DTNB: variants seen among roughly 807,000 people sequenced by gnomAD.
The protein encoded by DTNB is DTN-B.
Under a neutral mutation model 90.7 loss-of-function variants are expected in DTNB, and 63 were observed. The observed-to-expected ratio is 0.69, with a 90% confidence interval of 0.57 to 0.86. The LOEUF (loss-of-function observed/expected upper bound fraction) is 0.86. Ranked by LOEUF, DTNB falls within the 40% of genes least tolerant of loss-of-function variation. The probability of loss-of-function intolerance (pLI) is 0.00; values close to 1 mark genes in which losing one functional copy is unlikely to be tolerated. For synonymous variants in DTNB, 277 were observed against 286.7 expected (o/e 0.97, Z 0.34); for missense variants, 744 against 807.1 (o/e 0.92, Z 0.95).
chr2:25,582,244 T>G (rs2061661030), intron 6 of DTNB, among the ~76,000 whole-genome samples: 1 of 152,136 alleles, frequency 6.6e-6, no homozygotes, highest in Admixed American at 6.6e-5. Context: ...CTGTGATGCT[T>G]GGCCTGAAGG....
chr2:25,522,694 C>T (rs1355287351), intron 9 of DTNB, among the ~76,000 whole-genome samples: 1 of 148,164 alleles, frequency 6.7e-6, no homozygotes, highest in Non-Finnish European at 1.5e-5. Context: ...GAAAGGCAAA[C>T]TGAGGTCTTT....
intron 9 of DTNB, among the ~76,000 whole-genome samples, chr2:25,488,755 C>T (rs559573750): frequency 3.5e-4 from 53 of 152,288 alleles, no homozygotes; most frequent in Non-Finnish European, 5.7e-4. Context: ...CAGGTTCAAG[C>T]GATTCCCCCC....
At chr2:25,579,976 CTTTTTTTTTTTTT>C (rs59639406) in intron 7 of DTNB, among the ~76,000 whole-genome samples, 4 of 52,964 alleles carry the variant, frequency 7.6e-5, no homozygotes, top group African/African-American at 3.0e-4. Context: ...AGTATCCTTT[CTTTTTTTTTTTTT>C]TTTTTTTTTT....
At chr2:25,561,593 G>A (rs1197414170) in intron 8 of DTNB, among the ~76,000 whole-genome samples, 4 of 152,270 alleles carry the variant, frequency 2.6e-5, no homozygotes, top group South Asian at 2.1e-4. Context: ...TTATGGGGGC[G>A]GATCCCTCAA....
At chr2:25,407,633 G>A (rs1235164240) in intron 16 of DTNB, among the ~76,000 whole-genome samples, 1 of 152,158 alleles carries the variant, frequency 6.6e-6, no homozygotes, top group Non-Finnish European at 1.5e-5. Flanking sequence ...AACCTGAATG[G>A]ACCTGGAGGC....
At chr2:25,403,084 C>T (rs1329758602) in intron 16 of DTNB, among the ~76,000 whole-genome samples, 1 of 152,132 alleles carries the variant, frequency 6.6e-6, no homozygotes, top group Non-Finnish European at 1.5e-5. Flanking sequence ...TTGTTTCTCC[C>T]AGTTTGCCTA....
intron 2 of DTNB, chr2:25,639,374 T>C: frequency 3.8e-6 from 1 of 265,092 alleles, no homozygotes; most frequent in East Asian, 6.9e-5. Flanking sequence ...GAGTGAACTA[T>C]GATTAGGAAA....
intron 1 of DTNB, among the ~76,000 whole-genome samples, chr2:25,665,194 T>C (rs2084129625): frequency 6.6e-6 from 1 of 152,252 alleles, no homozygotes; most frequent in African/African-American, 2.4e-5. Context: ...CTTTATTTCC[T>C]TTCCATCTTT....
chr2:25,389,313 T>C (rs1445456423), intron 16 of DTNB, among the ~76,000 whole-genome samples: 3 of 152,256 alleles, frequency 2.0e-5, no homozygotes, highest in African/African-American at 7.2e-5. Flanking sequence ...GGGCATGCTC[T>C]GAGCATGTGC....
At chr2:25,580,622 CT>C (rs1461669393) in intron 7 of DTNB, 98 bp downstream of exon 7, 7 of 1,138,072 alleles carry the variant, frequency 6.2e-6, no homozygotes, top group Non-Finnish European at 9.0e-6. Context: ...CAAATGTCAA[CT>C]GTAATTTTCA....
At chr2:25,528,426 A>G (rs1447251331) in intron 9 of DTNB, among the ~76,000 whole-genome samples, 1 of 152,170 alleles carries the variant, frequency 6.6e-6, no homozygotes, top group Non-Finnish European at 1.5e-5. Context: ...GTATGCTGCT[A>G]GCCCTGCAAA....
intron 12 of DTNB, among the ~76,000 whole-genome samples, chr2:25,443,497 G>A (rs2057895064): frequency 1.3e-5 from 2 of 152,216 alleles, no homozygotes; most frequent in Non-Finnish European, 2.9e-5. Context: ...TGCATTTCTG[G>A]AGCCTCCTAA....
At chr2:25,390,048 C>A (rs2040667843) in intron 16 of DTNB, among the ~76,000 whole-genome samples, 1 of 152,124 alleles carries the variant, frequency 6.6e-6, no homozygotes, top group Non-Finnish European at 1.5e-5. Flanking sequence ...TGTTCCAGTT[C>A]TTTCCTCTCC....
At chr2:25,517,566 T>C (rs909540910) in intron 9 of DTNB, among the ~76,000 whole-genome samples, 8 of 152,208 alleles carry the variant, frequency 5.3e-5, no homozygotes, top group Admixed American at 3.3e-4. Context: ...TGGAACTCTT[T>C]TGCAGTACTA....
At chr2:25,495,183 G>C (rs679112) in intron 9 of DTNB, among the ~76,000 whole-genome samples, 1 of 151,708 alleles carries the variant, frequency 6.6e-6, no homozygotes, top group East Asian at 1.9e-4. Flanking sequence ...CTCTTGCTTC[G>C]GCCTCCCAAG....
intron 10 of DTNB, among the ~76,000 whole-genome samples, chr2:25,478,423 T>C (rs973643801): frequency 6.7e-4 from 102 of 152,258 alleles, no homozygotes; most frequent in African/African-American, 2.5e-3. Context: ...CGGGAAGGCT[T>C]GTGTGTGTGC....
intron 10 of DTNB, among the ~76,000 whole-genome samples, chr2:25,461,062 C>A (rs186416116): frequency 7.5e-4 from 114 of 152,236 alleles, no homozygotes; most frequent in African/African-American, 2.6e-3. Flanking sequence ...TGCCACCACG[C>A]CCAGCTAATT....
At position 25,523,991 on chromosome 2, in the gene DTNB, T is replaced by A. The variant is rs191556953; in HGVS notation, c.1001+7482A>T. Among the ~76,000 whole-genome samples, 1,237 of 144,602 alleles carry A rather than the reference T, an allele frequency of 8.6e-3. 13 individuals carry two copies. Among genetic ancestry groups the A allele is most frequent in the African/African-American group, 0.03 (1,177 of 39,264 alleles). The allele number at this position is 144,602 out of a possible 152,430, so 94.9% of individuals were successfully genotyped here. A position where few individuals can be genotyped will look rare whatever the true frequency, so the allele number is the denominator to read the frequency against. On this transcript the variant is annotated intron_variant, in intron 9 of 20. Coordinates refer to ENST00000406818, the MANE Select transcript of DTNB (RefSeq NM_021907.5). ...ATCTTGGCTCACCGCAACCTCCACC[T>A]CCCAGGTTCAAGCAATTCTCCTGCC...
At chr2:25,622,619 ACATC>A (rs1180426094) in intron 4 of DTNB, among the ~76,000 whole-genome samples, 1 of 152,170 alleles carries the variant, frequency 6.6e-6, no homozygotes, top group Non-Finnish European at 1.5e-5. Flanking sequence ...CACCTCCAGC[ACATC>A]CCATGCTTGA....
Sources: gnomAD v4.1 joint callset for allele counts (sites outside exome capture counted in the v4.1 genomes callset) on GRCh38, gnomAD v4.1.1 for gene constraint, MANE v1.5 for transcripts, NCBI Gene and HGNC (gene_info 2026-07-23, HGNC 2026-07-21) for gene names.